The following MAP3K19 variants were observed in gnomAD, a reference collection of about 807,000 sequenced individuals.
MAP3K19 encodes SPS1/STE20-related protein kinase YSK4.
In MAP3K19, 91 loss-of-function variants were observed where a neutral mutation model predicts 114.4. The ratio of observed to expected loss-of-function variants is 0.80; its 90% confidence interval spans 0.67 to 0.95. The LOEUF (loss-of-function observed/expected upper bound fraction) is 0.95. MAP3K19 is among the 40% of genes least tolerant of loss of function. The pLI is 0.00. For missense variants in MAP3K19, 1,471 were observed against 1,573.2 expected (o/e 0.94, Z 1.10); for synonymous variants, 518 against 530.5 (o/e 0.98, Z 0.32).
chr2:134,980,673 G>A (rs559815492), intron 12 of MAP3K19, 148 bp downstream of exon 12: 2 of 686,830 alleles, frequency 2.9e-6, no homozygotes, highest in South Asian at 1.9e-5. Context: ...CAATATGACT[G>A]ATTATGATTA....
At chr2:134,972,093 A>G (rs1683921566) in intron 12 of MAP3K19, among the ~76,000 whole-genome samples, 1 of 152,138 alleles carries the variant, frequency 6.6e-6, no homozygotes, top group African/African-American at 2.4e-5. Flanking sequence ...TGTGTTACAA[A>G]CAATCTAATT....
rs116084438 is a variant in MAP3K19 at position 135,019,084 on chromosome 2, A to G, written c.138+2631T>C. Among the ~76,000 whole-genome samples the G allele has an allele frequency of 9.8e-3, 1,487 of 152,242 alleles. 22 individuals are homozygous for G. Among genetic ancestry groups the G allele is most frequent in the African/African-American group, 0.034 (1,418 of 41,530 alleles). ...ACAGAAGTGAGACTCCATCTCAAAA[A>G]AAAAGAAAAAAAAAAGCTCTAATTG... On this transcript the variant is annotated intron_variant, in intron 5 of 12. Coordinates refer to ENST00000392915, the MANE Select transcript of MAP3K19 (RefSeq NM_025052.5).
At chr2:135,004,397 A>C (rs1299593951) in intron 6 of MAP3K19, among the ~76,000 whole-genome samples, 6 of 152,144 alleles carry the variant, frequency 3.9e-5, no homozygotes, top group Non-Finnish European at 7.3e-5. Context: ...GAAGATTCCC[A>C]GTGGGCGTGA....
rs58597332 is a variant in MAP3K19, at chr2:135,027,329, TAAAGAAAG to T, written c.-94-2596_-94-2589del. Among the ~76,000 whole-genome samples, 569 of 98,736 alleles carry T rather than the reference TAAAGAAAG, an allele frequency of 5.8e-3. 4 individuals are homozygous for T. The highest frequency in any genetic ancestry group is 0.017 in the African/African-American group (539 of 31,378). 64.8% of individuals were successfully genotyped at this position (98,736 alleles called of 152,430 possible). A position where few individuals can be genotyped will look rare whatever the true frequency, so the allele number is the denominator to read the frequency against. Reference sequence around the variant, plus strand: ...GAGGGAAAAGAAAGAGACAGAGAAATAAAGAAAGAAAGAAAGAAAGAGAGAAAGAAAGA... The same window carrying T: ...GAGGGAAAAGAAAGAGACAGAGAAATAAAGAAAGAAAGAGAGAAAGAAAGA... On this transcript the variant is annotated intron_variant, in intron 3 of 12. Transcript: ENST00000392915.
chr2:134,975,806 G>A (rs1684196917), intron 12 of MAP3K19, among the ~76,000 whole-genome samples: 1 of 152,216 alleles, frequency 6.6e-6, no homozygotes, highest in South Asian at 2.1e-4. Context: ...AGCGGGTGGG[G>A]TCACTGCCAG....
In MAP3K19 at chr2:134,986,547, C is replaced by G; in HGVS notation, c.2325G>C (p.Glu775Asp). 6 of 1,614,130 alleles carry G rather than the reference C, an allele frequency of 3.7e-6. No individual in the cohort carries two copies. The highest frequency in any genetic ancestry group is 5.1e-6 in the Non-Finnish European group (6 of 1,180,020). The change falls in exon 10 of 13, where the codon GAG (glutamate) becomes GAC (aspartate). Residue 775 changes from glutamate to aspartate, a missense_variant. By Grantham distance (45) the Glu-to-Asp change is conservative. Coordinates refer to ENST00000392915, the MANE Select transcript of MAP3K19 (RefSeq NM_025052.5). ...GAATTTCATCTTTGGAAGATAGAAACTCATTTCCTGAAGACTTTATCTGCC... is the reference window on the plus strand; with the variant it reads ...GAATTTCATCTTTGGAAGATAGAAAGTCATTTCCTGAAGACTTTATCTGCC... ...PDWQIKSSGN[E>D]FLSSKDEIHP...
In MAP3K19 at chr2:134,998,959, T is replaced by G. The variant is rs776061897; in HGVS notation, c.353A>C (p.His118Pro). 1.2e-6 allele frequency: 2 copies of G among 1,614,130 alleles called. No individual in the cohort carries two copies. The highest frequency in any genetic ancestry group is 1.7e-6 in the Non-Finnish European group (2 of 1,180,022). ...TATTTCATTTGGATGAGAAACTGCA[T>G]GTGCTTGTGCCCATTCTTGAAGCGA... ...NSSLQEWAQA[H>P]AVSHPNEIET... Residue 118 changes from histidine to proline, a missense_variant, in exon 8 of 13, where the codon CAT (histidine) becomes CCT (proline). Coordinates refer to ENST00000392915, the MANE Select transcript of MAP3K19 (RefSeq NM_025052.5).
chr2:135,043,182 G>A (rs1264983792), intron 1 of MAP3K19, among the ~76,000 whole-genome samples: 2 of 152,132 alleles, frequency 1.3e-5, no homozygotes, highest in Non-Finnish European at 2.9e-5. Flanking sequence ...TGGGGTCCAG[G>A]AACTAAGGGA....
At chr2:134,972,464 A>G (rs1277723009) in intron 12 of MAP3K19, among the ~76,000 whole-genome samples, 3 of 151,200 alleles carry the variant, frequency 2.0e-5, no homozygotes, top group African/African-American at 7.3e-5. Flanking sequence ...TTCCTTGATT[A>G]TTTATTTAAA....
intron 5 of MAP3K19, among the ~76,000 whole-genome samples, chr2:135,007,113 C>T (rs1686878645): frequency 1.3e-5 from 2 of 149,276 alleles, no homozygotes; most frequent in Admixed American, 1.3e-4. Flanking sequence ...TGCAGTGAGC[C>T]ATGATTGCAC....
chr2:135,006,070 T>C (rs1478442020), intron 5 of MAP3K19, among the ~76,000 whole-genome samples: 8 of 152,238 alleles, frequency 5.3e-5, no homozygotes, highest in Non-Finnish European at 1.5e-5. Context: ...GTGCATAACC[T>C]CTTAAACTTC....
intron 12 of MAP3K19, 46 bp downstream of exon 12, chr2:134,980,775 G>T (rs1218441352): frequency 1.3e-6 from 2 of 1,544,256 alleles, no homozygotes; most frequent in South Asian, 1.2e-5. Flanking sequence ...CTGCCACTTG[G>T]AATCTCCGGG....
chr2:135,016,933 G>A (rs570731701), intron 5 of MAP3K19, among the ~76,000 whole-genome samples: 76 of 152,096 alleles, frequency 5.0e-4, no homozygotes, highest in Non-Finnish European at 7.9e-4. Context: ...TTGCAGTGAT[G>A]GGTGCTTTAA....
intron 2 of MAP3K19, among the ~76,000 whole-genome samples, chr2:135,032,216 G>A (rs1688397129): frequency 1.3e-5 from 2 of 152,018 alleles, no homozygotes. Flanking sequence ...AATTAGCCAG[G>A]CACAGTGGCA....
chr2:135,027,329 TAAAGAAAGAAAG>T (rs58597332), intron 3 of MAP3K19, among the ~76,000 whole-genome samples: 3 of 98,624 alleles, frequency 3.0e-5, no homozygotes, highest in Non-Finnish European at 7.5e-5. Flanking sequence ...GACAGAGAAA[TAAAGAAAGAAAG>T]AAAGAAAGAG....
Position 134,979,641 on chromosome 2 carries a change from GT to G in MAP3K19, c.3920+1179del, listed in dbSNP as rs774229914. 1.6e-3 allele frequency among the ~76,000 whole-genome samples: 189 copies of G among 117,746 alleles called. 2 individuals are homozygous for G. The highest frequency in any genetic ancestry group is 5.7e-3 in the Middle Eastern group (1 of 174). 77.2% of individuals were successfully genotyped at this position (117,746 alleles called of 152,430 possible). A position where few individuals can be genotyped will look rare whatever the true frequency, so the allele number is the denominator to read the frequency against. On this transcript the variant is annotated intron_variant, in intron 12 of 12. Transcript: ENST00000392915. Reference sequence around the variant, plus strand: ...TACGATTTTCCAACACATTTATGCGGTTTTTTTTTTTTTTTTTTTTGGAGAG... The same window carrying G: ...TACGATTTTCCAACACATTTATGCGGTTTTTTTTTTTTTTTTTTTGGAGAG...
intron 2 of MAP3K19, among the ~76,000 whole-genome samples, chr2:135,038,085 T>C (rs1485732892): frequency 6.6e-6 from 1 of 151,988 alleles, no homozygotes; most frequent in East Asian, 1.9e-4. Flanking sequence ...CAGGAGGACA[T>C]GGGATCAGGG....
At chr2:135,014,045 T>C (rs1050988010) in intron 5 of MAP3K19, among the ~76,000 whole-genome samples, 3 of 152,216 alleles carry the variant, frequency 2.0e-5, no homozygotes, top group Non-Finnish European at 2.9e-5. Context: ...TGTTTGGGCA[T>C]AGAATCCTAG....
chr2:135,004,373 TC>T (rs1686660894), intron 6 of MAP3K19, among the ~76,000 whole-genome samples: 1 of 152,280 alleles, frequency 6.6e-6, no homozygotes, highest in South Asian at 2.1e-4. Flanking sequence ...CTCTCGGCCC[TC>T]AGCCTGGGGA....
Sources: allele counts gnomAD v4.1 joint callset (sites outside exome capture counted in the v4.1 genomes callset), GRCh38; gene constraint gnomAD v4.1.1; transcripts MANE v1.5; gene names NCBI Gene and HGNC (gene_info 2026-07-23, HGNC 2026-07-21).